ANKRD11: variants seen among roughly 807,000 people sequenced by gnomAD.
ANKRD11 encodes ankyrin repeat domain 11.
A neutral mutation model predicts 195.7 loss-of-function variants in ANKRD11; 17 were observed. The ratio of observed to expected loss-of-function variants is 0.09; its 90% CI spans 0.06 to 0.13. ANKRD11 has a LOEUF of 0.13. Ranked by LOEUF, ANKRD11 falls within the 10% of genes least tolerant of loss-of-function variation. The probability of loss-of-function intolerance (pLI) is 1.00; values close to 1 mark genes in which losing one functional copy is unlikely to be tolerated. For synonymous variants in ANKRD11, 1,953 were observed against 1,528.1 expected (o/e 1.28, Z -6.49); for missense variants, 3,735 against 3,566.1 (o/e 1.05, Z -1.21).
In ANKRD11 at chr16:89,473,320, C is replaced by T. The variant is rs1479510446; in HGVS notation, c.-145+16925G>A. The stretch of plus-strand genomic sequence containing the variant: ...AGTCCATACTTACTACTGAAAATAA[C>T]CAATCTCTGCCTAGAGAATAGAGGT... On this transcript the variant is annotated intron_variant, in intron 1 of 12. Coordinates refer to ENST00000301030, the MANE Select transcript of ANKRD11 (RefSeq NM_013275.6). Among the ~76,000 whole-genome samples the T allele has an allele frequency of 2.0e-5, 3 of 152,168 alleles. No individual in the cohort carries two copies. The East Asian group carries it at 5.8e-4, about 29-fold the overall frequency.
At chr16:89,435,401 G>A (rs1475191729) in intron 1 of ANKRD11, among the ~76,000 whole-genome samples, 1 of 152,182 alleles carries the variant, frequency 6.6e-6, no homozygotes, top group Non-Finnish European at 1.5e-5. Context: ...TGCTGTGGGA[G>A]CTGTGTTCTT....
chr16:89,276,442 A>T (rs778938402), intron 9 of ANKRD11, among the ~76,000 whole-genome samples: 1 of 152,220 alleles, frequency 6.6e-6, no homozygotes, highest in East Asian at 1.9e-4. Context: ...CTCATGGTGG[A>T]CGGGCCTGAC....
At chr16:89,286,221 G>A in intron 7 of ANKRD11, 35 bp from the exon 8 acceptor site, 3 of 1,608,390 alleles carry the variant, frequency 1.9e-6, no homozygotes, top group Non-Finnish European at 2.5e-6. Flanking sequence ...AGGGACTGCT[G>A]GAGAAGCACA....
chr16:89,469,042 C>G (rs1215267420), intron 1 of ANKRD11, among the ~76,000 whole-genome samples: 1 of 152,148 alleles, frequency 6.6e-6, no homozygotes, highest in African/African-American at 2.4e-5. Context: ...TTTATGAAAT[C>G]CCACAGCAAA....
At chr16:89,423,722 G>A (rs1014492587) in intron 1 of ANKRD11, among the ~76,000 whole-genome samples, 1 of 152,188 alleles carries the variant, frequency 6.6e-6, no homozygotes, top group African/African-American at 2.4e-5. Flanking sequence ...CCAGAAACTG[G>A]AATCAGCCCA....
At chr16:89,347,426 G>A (rs1359770982) in intron 2 of ANKRD11, among the ~76,000 whole-genome samples, 1 of 152,050 alleles carries the variant, frequency 6.6e-6, no homozygotes, top group Non-Finnish European at 1.5e-5. Context: ...TGGCTAGCAC[G>A]GTGAAACCCC....
chr16:89,276,114 G>A (rs1037954567), intron 9 of ANKRD11, among the ~76,000 whole-genome samples: 3 of 152,236 alleles, frequency 2.0e-5, no homozygotes, highest in East Asian at 1.9e-4. Context: ...CAACAGGAGC[G>A]CACGGGGCAG....
At chr16:89,386,823 A>C (rs1182567967) in intron 2 of ANKRD11, among the ~76,000 whole-genome samples, 3 of 152,184 alleles carry the variant, frequency 2.0e-5, no homozygotes, top group African/African-American at 7.2e-5. Flanking sequence ...ATAAAGCAGA[A>C]GCCTGAAGAC....
chr16:89,396,362 A>AGG (rs2041428583), intron 2 of ANKRD11, among the ~76,000 whole-genome samples: 1 of 152,074 alleles, frequency 6.6e-6, no homozygotes, highest in Non-Finnish European at 1.5e-5. Context: ...TCCCACACAC[A>AGG]CGCGACGGAG....
chr16:89,378,441 A>G (rs2040510887), intron 2 of ANKRD11, among the ~76,000 whole-genome samples: 1 of 152,214 alleles, frequency 6.6e-6, no homozygotes, highest in Non-Finnish European at 1.5e-5. Flanking sequence ...GTAATTCTTG[A>G]TAATAATTTC....
At chr16:89,383,650 G>A (rs985153631) in intron 2 of ANKRD11, among the ~76,000 whole-genome samples, 2 of 152,104 alleles carry the variant, frequency 1.3e-5, no homozygotes, top group African/African-American at 4.8e-5. Flanking sequence ...CGCAGCAGAC[G>A]TCGAGCCCCT....
intron 1 of ANKRD11, among the ~76,000 whole-genome samples, chr16:89,461,503 G>A (rs538146446): frequency 4.6e-4 from 70 of 152,148 alleles, no homozygotes; most frequent in Non-Finnish European, 7.5e-4. Context: ...CACCACGCCT[G>A]GCTAACTTTT....
intron 1 of ANKRD11, among the ~76,000 whole-genome samples, chr16:89,433,233 G>C (rs992186079): frequency 1.3e-5 from 2 of 152,152 alleles, no homozygotes; most frequent in African/African-American, 4.8e-5. Flanking sequence ...TTCATGACAA[G>C]GCCCAGTTGA....
intron 1 of ANKRD11, among the ~76,000 whole-genome samples, chr16:89,423,968 G>C (rs575595850): frequency 6.6e-6 from 1 of 152,066 alleles, no homozygotes. Flanking sequence ...CCTTGTAAGC[G>C]GGTAAGGGGA....
intron 11 of ANKRD11, chr16:89,272,332 T>C (rs2033234065): frequency 6.6e-6 from 1 of 152,234 alleles, no homozygotes; most frequent in African/African-American, 2.4e-5. Flanking sequence ...GAGAACAGTT[T>C]GGCGTTTCCT....
intron 9 of ANKRD11, among the ~76,000 whole-genome samples, chr16:89,276,195 C>A (rs979107679): frequency 1.3e-5 from 2 of 152,194 alleles, no homozygotes; most frequent in African/African-American, 4.8e-5. Context: ...CGACTCATGG[C>A]ATGAGACCAA....
chr16:89,311,093 T>A (rs979334653), intron 3 of ANKRD11, among the ~76,000 whole-genome samples: 7 of 152,236 alleles, frequency 4.6e-5, no homozygotes, highest in Non-Finnish European at 8.8e-5. Flanking sequence ...GAATTTTTTT[T>A]AAAATAATGA....
chr16:89,444,772 C>A (rs1001063592), intron 1 of ANKRD11, among the ~76,000 whole-genome samples: 6 of 151,946 alleles, frequency 3.9e-5, no homozygotes, highest in Admixed American at 3.3e-4. Context: ...AGCCAGATCC[C>A]GTCTCTGTTA....
In ANKRD11 at chr16:89,393,320, T is replaced by TA. The variant is rs915479539; in HGVS notation, c.-60+24963_-60+24964insT. Among the ~76,000 whole-genome samples, 269 of 148,136 alleles carry TA rather than the reference T, an allele frequency of 1.8e-3. 3 individuals are homozygous for TA. Among genetic ancestry groups the TA allele is most frequent in the African/African-American group, 6.1e-3 (235 of 38,504 alleles). ...TTTTACTTTTTTTATTTTTATTTTT[T>TA]TTTTTTTTGAGACGGAGGCTTGCTC... is the stretch of plus-strand genomic sequence containing the variant. On this transcript the variant is annotated intron_variant, in intron 2 of 12. Coordinates refer to ENST00000301030, the MANE Select transcript of ANKRD11 (RefSeq NM_013275.6).
Sources: gnomAD v4.1 joint callset for allele counts (sites outside exome capture counted in the v4.1 genomes callset) on GRCh38, gnomAD v4.1.1 for gene constraint, MANE v1.5 for transcripts, NCBI Gene and HGNC (gene_info 2026-07-23, HGNC 2026-07-21) for gene names.